Variants in ZFP28 observed in about 807,000 individuals in gnomAD.
ZFP28 encodes ZFP28 zinc finger protein, also known as zinc finger protein 28 homolog.
In ZFP28, 31 loss-of-function variants were observed where a neutral mutation model predicts 39.5. That is an observed-to-expected ratio of 0.79 (90% CI 0.59 to 1.06). ZFP28 has a LOEUF of 1.06. Ranked by LOEUF, ZFP28 falls within the 50% of genes least tolerant of loss-of-function variation. The pLI is 0.00. For synonymous variants in ZFP28, 400 were observed against 378.6 expected, an observed-to-expected ratio of 1.06 and a Z score of -0.66; for missense variants, 925 against 1,048.4, an observed-to-expected ratio of 0.88 and a Z score of 1.63.
At position 56,547,911 on chromosome 19, in the gene ZFP28, G is replaced by A; in HGVS notation, c.523+9G>A. ...AAGAGCCTGGTGCCCAGGTGAGTGT[G>A]GGAGAACCAGGTAGGGTGAGGCCAC... On this transcript the variant is annotated intron_variant, in intron 4 of 7. Transcript: ENST00000301318. This position sits in a 1 kb window ranked among gnomAD's most constrained non-coding sequence, Gnocchi z 4.6. The A allele has an allele frequency of 1.2e-6, 2 of 1,614,020 alleles. No homozygotes were observed. Among genetic ancestry groups the A allele is most frequent in the Non-Finnish European group, 1.7e-6 (2 of 1,179,942 alleles).
chr19:56,548,895 T>C, intron 4 of ZFP28, 63 bp from the exon 5 acceptor site: 2 of 1,473,468 alleles, frequency 1.4e-6, no homozygotes, highest in South Asian at 2.9e-5. Flanking sequence ...CGGTTGCATT[T>C]TGGAATTTTT....
chr19:56,550,931 G>A (rs1049856138), intron 7 of ZFP28: 14 of 1,414,474 alleles, frequency 9.9e-6, no homozygotes, highest in African/African-American at 1.4e-5. Context: ...TGGTTAAATG[G>A]CCTATTGTTT....
chr19:56,553,618 C>G, intron 7 of ZFP28, 66 bp from the exon 8 acceptor site: 2 of 1,513,712 alleles, frequency 1.3e-6, no homozygotes, highest in Non-Finnish European at 1.8e-6. Context: ...ACTAGTTTTC[C>G]TTTTGGCAGA....
chr19:56,555,878 T>G lies in ZFP28; in HGVS notation c.*486T>G, dbSNP rs1245546516. On this transcript the variant is annotated 3_prime_UTR_variant, in exon 8 of 8. Transcript: ENST00000301318. Reference sequence around the variant, plus strand: ...AATTAAACTTTACATTTGACTTGATTTGTTTTAGAAAGTCTAGGGACCATG... The same window carrying G: ...AATTAAACTTTACATTTGACTTGATGTGTTTTAGAAAGTCTAGGGACCATG... 1 of 153,586 alleles carries G rather than the reference T, an allele frequency of 6.5e-6. No homozygotes were observed. Among genetic ancestry groups the G allele is most frequent in the Non-Finnish European group, 1.4e-5 (1 of 69,108 alleles). The allele number at this position is 153,586 out of a possible 1,614,324, so 9.5% of individuals were successfully genotyped here. A position where few individuals can be genotyped will look rare whatever the true frequency, so the allele number is the denominator to read the frequency against.
intron 4 of ZFP28, chr19:56,548,490 T>TA (rs2044263547): frequency 6.5e-6 from 1 of 153,288 alleles, no homozygotes; most frequent in Non-Finnish European, 1.5e-5. Context: ...TATGTAGAGA[T>TA]AGAGATGAAA....
intron 5 of ZFP28, among the ~76,000 whole-genome samples, chr19:56,549,457 C>T (rs1316588711): frequency 6.6e-6 from 1 of 152,092 alleles, no homozygotes; most frequent in Non-Finnish European, 1.5e-5. Context: ...GCGGGTGGAT[C>T]ACAAGGTCAG....
chr19:56,551,982 A>G (rs2044308412), intron 7 of ZFP28: 1 of 966,328 alleles, frequency 1.0e-6, no homozygotes, highest in African/African-American at 1.8e-5. Flanking sequence ...AAAATTTTCA[A>G]TTTTTATATA....
upstream of ZFP28, chr19:56,538,639 C>A (rs1268411213): frequency 6.6e-6 from 1 of 151,906 alleles, no homozygotes; most frequent in African/African-American, 2.4e-5. Context: ...AACCTGAGCT[C>A]CGAGGGCCGC....
In ZFP28 at chr19:56,548,874, TTTTAA is replaced by T. The variant is rs1277488185; in HGVS notation, c.524-78_524-74del. ...AAATGACTATATGCTTTTTTGTGGC[TTTTAA>T]TTTAACGGTTGCATTTTGGAATTTT... On this transcript the variant is annotated intron_variant, in intron 4 of 7. Transcript: ENST00000301318. 6.2e-5 allele frequency: 86 copies of T among 1,383,852 alleles called. 1 individual carries two copies. The highest frequency in any genetic ancestry group is 6.1e-4 in the South Asian group (40 of 65,280). 85.7% of individuals were successfully genotyped at this position (1,383,852 alleles called of 1,614,324 possible). A position where few individuals can be genotyped will look rare whatever the true frequency, so the allele number is the denominator to read the frequency against.
chr19:56,551,696 G>A (rs1275780347), intron 7 of ZFP28: 11 of 984,594 alleles, frequency 1.1e-5, no homozygotes, highest in African/African-American at 1.7e-5. Context: ...GAAAACTTTT[G>A]CTCATTATTT....
In ZFP28 at chr19:56,556,624, C is replaced by G. The variant is rs1322559879; in HGVS notation, c.*1232C>G. 6.6e-6 allele frequency: 1 copy of G among 152,080 alleles called. No individual in the cohort carries two copies. The highest frequency in any genetic ancestry group is 2.4e-5 in the African/African-American group (1 of 41,402). 9.4% of individuals were successfully genotyped at this position (152,080 alleles called of 1,614,324 possible). A position where few individuals can be genotyped will look rare whatever the true frequency, so the allele number is the denominator to read the frequency against. On this transcript the variant is annotated 3_prime_UTR_variant, in exon 8 of 8. Coordinates refer to ENST00000301318, the MANE Select transcript of ZFP28 (RefSeq NM_020828.2). ...TTAACAGAAAGTTTGCCAACCTCTG[C>G]TCTAGAGTAGAGAAAAATGTATAAA... is the stretch of plus-strand genomic sequence containing the variant.
intron 2 of ZFP28, chr19:56,544,732 A>G (rs574788632): frequency 6.6e-6 from 1 of 152,346 alleles, no homozygotes; most frequent in South Asian, 2.1e-4. Flanking sequence ...AAGCTAATAT[A>G]TAAGTATATA....
chr19:56,555,283 G>A lies in ZFP28; in HGVS notation c.2498G>A (p.Arg833Gln), dbSNP rs150968564. ...ACTGCTCACTTAGCTCATCATCAGCGAATTCATACTGGAGAGTCGTCAACA... is the reference window on the plus strand; with the variant it reads ...ACTGCTCACTTAGCTCATCATCAGCAAATTCATACTGGAGAGTCGTCAACA... ...RQTAHLAHHQ[R>Q]IHTGESSTCP... is the part of the protein sequence containing the mutation. The change falls in exon 8 of 8, where the codon CGA (arginine) becomes CAA (glutamine). Residue 833 changes from arginine (R) to glutamine (Q), a missense_variant. Arg to Gln is a conservative substitution (Grantham distance 43, BLOSUM62 1). Around this residue, in one of 2 missense-constraint regions of ZFP28, gnomAD observed 369 missense variants for 505.5 expected, o/e 0.73. Coordinates refer to ENST00000301318, the MANE Select transcript of ZFP28 (RefSeq NM_020828.2). 702 of 1,614,144 alleles carry A rather than the reference G, an allele frequency of 4.3e-4. 5 individuals are homozygous for A. Among genetic ancestry groups the A allele is most frequent in the Admixed American group, 4.5e-4 (27 of 60,006 alleles).
At chr19:56,549,299 C>T (rs1014799593) in intron 5 of ZFP28, among the ~76,000 whole-genome samples, 178 bp downstream of exon 5, 1 of 152,182 alleles carries the variant, frequency 6.6e-6, no homozygotes, top group Non-Finnish European at 1.5e-5. Flanking sequence ...CACATAAGAA[C>T]AGTGGAGGGG....
chr19:56,555,662 T>G lies in ZFP28; in HGVS notation c.*270T>G, dbSNP rs2044344436. 2 of 375,638 alleles carry G rather than the reference T, an allele frequency of 5.3e-6. No homozygotes were observed. Among genetic ancestry groups the G allele is most frequent in the East Asian group, 8.9e-5 (2 of 22,500 alleles). The allele number at this position is 375,638 out of a possible 1,614,324, so 23.3% of individuals were successfully genotyped here. A position where few individuals can be genotyped will look rare whatever the true frequency, so the allele number is the denominator to read the frequency against. The stretch of plus-strand genomic sequence containing the variant: ...ATTGAAAAGTTACAGTAGTCAGCTC[T>G]GATAAAAAAATGATGCAGTAGGGTG... On this transcript the variant is annotated 3_prime_UTR_variant, in exon 8 of 8. Transcript: ENST00000301318.
In ZFP28 at chr19:56,554,258, T is replaced by C. The variant is rs372144916; in HGVS notation, c.1473T>C (p.Leu491=). The change falls in exon 8 of 8, where the codon CTT becomes CTC. Residue 491 remains leucine (L), a synonymous_variant. Coordinates refer to ENST00000301318, the MANE Select transcript of ZFP28 (RefSeq NM_020828.2). The surrounding 1 kb of genome is among the most constrained non-coding windows in gnomAD (Gnocchi z 6.7). ...AAGCTTTCATACAGAACACATCCCT[T>C]ATCCGTCACTGGAGATACTATCATA... ...CGKAFIQNTS[L]IRHWRYYHTG... The C allele has an allele frequency of 2.1e-4, 347 of 1,614,042 alleles. No homozygotes were observed. Among genetic ancestry groups the C allele is most frequent in the Non-Finnish European group, 2.8e-4 (334 of 1,180,026 alleles).
rs1217997462 is a variant in ZFP28 at position 56,556,356 on chromosome 19, A to G, written c.*964A>G. On this transcript the variant is annotated 3_prime_UTR_variant, in exon 8 of 8. Transcript: ENST00000301318. ...AGTTGAGCAGTTGTGACAGGAGACCATGTGGCCTGCAGAGCCCAAATATCT... is the reference window on the plus strand; with the variant it reads ...AGTTGAGCAGTTGTGACAGGAGACCGTGTGGCCTGCAGAGCCCAAATATCT... The G allele has an allele frequency of 1.3e-5, 2 of 152,340 alleles. No individual in the cohort carries two copies. The highest frequency in any genetic ancestry group is 2.9e-5 in the Non-Finnish European group (2 of 68,040). The allele number at this position is 152,340 out of a possible 1,614,324, so 9.4% of individuals were successfully genotyped here.
Position 56,547,279 on chromosome 19 carries a change from A to C in ZFP28, c.301-229A>C. On this transcript the variant is annotated intron_variant, in intron 2 of 7. Coordinates refer to ENST00000301318, the MANE Select transcript of ZFP28 (RefSeq NM_020828.2). This position sits in a 1 kb window ranked among gnomAD's most constrained non-coding sequence, Gnocchi z 4.6. Reference sequence around the variant, plus strand: ...ACACCGTGGTATCTCTTCCTGTTTTAATAAGGACACCAGACAGATTGGGTT... The same window carrying C: ...ACACCGTGGTATCTCTTCCTGTTTTCATAAGGACACCAGACAGATTGGGTT... 3.6e-6 allele frequency: 2 copies of C among 549,574 alleles called. No homozygotes were observed. Among genetic ancestry groups the C allele is most frequent in the Non-Finnish European group, 3.2e-6 (1 of 316,762 alleles). The allele number at this position is 549,574 out of a possible 1,614,324, so 34.0% of individuals were successfully genotyped here. A position where few individuals can be genotyped will look rare whatever the true frequency, so the allele number is the denominator to read the frequency against.
chr19:56,541,893 T>C (rs1319329142), intron 2 of ZFP28, among the ~76,000 whole-genome samples: 1 of 141,322 alleles, frequency 7.1e-6, no homozygotes, highest in East Asian at 2.1e-4. Flanking sequence ...TTTTTTTTTT[T>C]TTTTTTTTTT....
Sources: gnomAD v4.1 joint callset for allele counts (sites outside exome capture counted in the v4.1 genomes callset) on GRCh38, gnomAD v4.1.1 for gene constraint, gnomAD v4.1.1 regional missense constraint, Gnocchi (gnomAD v3.1) non-coding constraint, MANE v1.5 for transcripts, NCBI Gene and HGNC (gene_info 2026-07-23, HGNC 2026-07-21) for gene names.